The following PCDH11X variants were observed in gnomAD, a reference collection of about 807,000 sequenced individuals.
PCDH11X encodes protocadherin-11 X-linked.
A neutral mutation model predicts 53.3 loss-of-function variants in PCDH11X; 18 were observed. That is an observed-to-expected ratio of 0.34 (90% confidence interval 0.23 to 0.50). PCDH11X has a LOEUF of 0.50. Ranked by LOEUF, PCDH11X falls within the 20% of genes least tolerant of loss-of-function variation. The pLI is 0.98. For missense variants in PCDH11X, 570 were observed against 1,032.4 expected (o/e 0.55, Z 6.14); for synonymous variants, 279 against 393.3 (o/e 0.71, Z 3.44).
At chrX:92,508,224 TTG>T (rs1320275362) in intron 10 of PCDH11X, among the ~76,000 whole-genome samples, 8 of 107,344 alleles carry the variant, frequency 7.5e-5, no homozygotes, top group East Asian at 3.0e-4. Flanking sequence ...TTTTTTTTTG[TTG>T]TTTTTTTTGT....
At chrX:92,064,963 G>A (rs1362889326) in intron 6 of PCDH11X, among the ~76,000 whole-genome samples, 6 of 105,796 alleles carry the variant, frequency 5.7e-5, no homozygotes, top group Admixed American at 1.0e-4. Context: ...AGGATCTGAG[G>A]GGTAAACTCC....
intron 6 of PCDH11X, among the ~76,000 whole-genome samples, chrX:92,098,636 CTTTTTTTTTT>C (rs34306564): frequency 4.6e-5 from 2 of 43,902 alleles, no homozygotes; most frequent in African/African-American, 1.9e-4. Context: ...TCCAAATGCT[CTTTTTTTTTT>C]TTTTTTTTTT....
rs1939648853 is a variant in PCDH11X at position 91,876,964 on chromosome X, A to G, written c.724A>G (p.Thr242Ala). The G allele has an allele frequency of 8.3e-7, 1 of 1,210,997 alleles. No homozygotes were observed. The highest frequency in any genetic ancestry group is 1.1e-6 in the Non-Finnish European group (1 of 895,316). ...TATTTTGCAAGTGAGTGTTACTGAT[A>G]CAAATGACAACCACCCAGTCTTTAA... ...TAILQVSVTD[T>A]NDNHPVFKET... The change falls in exon 6 of 11, where the codon ACA (threonine) becomes GCA (alanine). Residue 242 changes from threonine to alanine, a missense_variant. Transcript: ENST00000682573.
chrX:92,470,565 G>A (rs1311447312), intron 10 of PCDH11X, among the ~76,000 whole-genome samples: 2 of 110,625 alleles, frequency 1.8e-5, no homozygotes, highest in African/African-American at 6.6e-5. Flanking sequence ...TCCCCATTCA[G>A]TATGATACTA....
intron 10 of PCDH11X, among the ~76,000 whole-genome samples, chrX:92,536,739 C>A (rs749740452): frequency 1.8e-4 from 19 of 102,914 alleles, no homozygotes; most frequent in Admixed American, 1.8e-3. Context: ...CTCACTGCAG[C>A]CTTGACCTCT....
chrX:91,803,994 A>G (rs1277253532), intron 1 of PCDH11X, among the ~76,000 whole-genome samples: 1 of 111,512 alleles, frequency 9.0e-6, no homozygotes, highest in Admixed American at 9.6e-5. Flanking sequence ...TCACATAGGG[A>G]TAGAGATAAT....
intron 6 of PCDH11X, among the ~76,000 whole-genome samples, chrX:91,960,587 G>T (rs2061774409): frequency 9.1e-6 from 1 of 110,351 alleles, no homozygotes; most frequent in African/African-American, 3.3e-5. Flanking sequence ...ATCATGCCTG[G>T]CTAATTTTTG....
At chrX:92,367,290 G>A (rs2070497154) in intron 8 of PCDH11X, among the ~76,000 whole-genome samples, 1 of 111,403 alleles carries the variant, frequency 9.0e-6, no homozygotes, top group Non-Finnish European at 1.9e-5. Context: ...TTTAAAGTCT[G>A]TTTTATCAGA....
intron 6 of PCDH11X, among the ~76,000 whole-genome samples, chrX:92,148,143 T>A (rs1405595605): frequency 8.1e-5 from 2 of 24,693 alleles, no homozygotes; most frequent in African/African-American, 2.0e-4. Flanking sequence ...TTTCCTTCCT[T>A]CCTTCCTTCC....
At chrX:92,288,216 T>C (rs1381439746) in intron 8 of PCDH11X, among the ~76,000 whole-genome samples, 13 of 110,789 alleles carry the variant, frequency 1.2e-4, no homozygotes, top group Middle Eastern at 9.5e-3. Flanking sequence ...GAAACCAAAA[T>C]TAATGGCCAT....
At chrX:92,206,285 T>C (rs762987275) in intron 7 of PCDH11X, among the ~76,000 whole-genome samples, 8 of 111,611 alleles carry the variant, frequency 7.2e-5, no homozygotes, top group African/African-American at 2.6e-4. Context: ...TGAATAAACT[T>C]TTATGGTTTC....
chrX:92,391,027 C>A (rs768403212), intron 9 of PCDH11X, among the ~76,000 whole-genome samples: 1 of 108,107 alleles, frequency 9.3e-6, no homozygotes, highest in East Asian at 2.9e-4. Flanking sequence ...CTCATTCCAT[C>A]TGAAGACTTT....
At chrX:92,481,682 A>G (rs1345815895) in intron 10 of PCDH11X, among the ~76,000 whole-genome samples, 2 of 111,889 alleles carry the variant, frequency 1.8e-5, no homozygotes, top group East Asian at 5.7e-4. Flanking sequence ...AAATTCTCCT[A>G]TTAGAGCAAG....
intron 6 of PCDH11X, among the ~76,000 whole-genome samples, chrX:92,069,498 C>T (rs1020320033): frequency 1.3e-4 from 14 of 110,463 alleles, no homozygotes; most frequent in Admixed American, 1.3e-3. Flanking sequence ...CAGGTACATA[C>T]TCCTTCCATT....
intron 1 of PCDH11X, among the ~76,000 whole-genome samples, chrX:91,780,597 G>A (rs758662965): frequency 6.2e-5 from 7 of 112,463 alleles, no homozygotes; most frequent in African/African-American, 1.9e-4. Flanking sequence ...TTCTAAGACA[G>A]AACCCAGAAA....
At chrX:92,132,873 A>G (rs2065020199) in intron 6 of PCDH11X, among the ~76,000 whole-genome samples, 2 of 108,216 alleles carry the variant, frequency 1.8e-5, no homozygotes, top group Non-Finnish European at 3.8e-5. Context: ...AATAAACTCC[A>G]TTGGATTAAC....
intron 6 of PCDH11X, chrX:91,983,091 A>G (rs2062167943): frequency 1.8e-5 from 20 of 1,106,503 alleles, no homozygotes; most frequent in Middle Eastern, 2.5e-4. Flanking sequence ...AGCAGCCCGG[A>G]TGGAAGGCCC....
rs374593158 is a variant in PCDH11X at position 92,194,249 on chromosome X, A to G, written c.3034-7126A>G. 2.8e-4 allele frequency among the ~76,000 whole-genome samples: 31 copies of G among 112,040 alleles called. No homozygotes were observed. The East Asian group carries it at 5.0e-3, about 18-fold the overall frequency. On this transcript the variant is annotated intron_variant, in intron 6 of 10. Coordinates refer to ENST00000682573, the MANE Select transcript of PCDH11X (RefSeq NM_032968.5). ...AGAGGTGAAAATAAGAAATAATCCAATGAATAAGCAAACGTAAATTATTCT... is the reference window on the plus strand; with the variant it reads ...AGAGGTGAAAATAAGAAATAATCCAGTGAATAAGCAAACGTAAATTATTCT...
At chrX:92,172,745 A>G (rs1439701510) in intron 6 of PCDH11X, among the ~76,000 whole-genome samples, 3 of 111,649 alleles carry the variant, frequency 2.7e-5, no homozygotes, top group Non-Finnish European at 5.6e-5. Flanking sequence ...CTCCAAGGAA[A>G]CCAAATTACT....
Sources: allele counts gnomAD v4.1 joint callset (sites outside exome capture counted in the v4.1 genomes callset), GRCh38; gene constraint gnomAD v4.1.1; transcripts MANE v1.5; gene names NCBI Gene and HGNC (gene_info 2026-07-23, HGNC 2026-07-21).